DDX60L: variants seen among roughly 807,000 people sequenced by gnomAD.
DDX60L encodes probable ATP-dependent RNA helicase DDX60-like.
A neutral mutation model predicts 211.6 loss-of-function variants in DDX60L; 191 were observed. The observed-to-expected ratio is 0.90, with a 90% confidence interval of 0.80 to 1.02. DDX60L has a LOEUF of 1.02. Ranked by LOEUF, DDX60L falls within the 50% of genes least tolerant of loss-of-function variation. DDX60L has a pLI of 0.00. For missense variants in DDX60L, 2,007 were observed against 1,984.1 expected (o/e 1.01, Z -0.22); for synonymous variants, 706 against 694.1 (o/e 1.02, Z -0.27).
chr4:168,454,758 C>CTTTTTTTTTTTTTTTTTTTTTT (rs767461447), intron 7 of DDX60L, among the ~76,000 whole-genome samples: 1,497 of 88,492 alleles, frequency 0.017, 225 homozygotes, highest in South Asian at 0.024. Flanking sequence ...AAACAGCTTC[C>CTTTTTTTTTTTTTTTTTTTTTT]TTTTTTTTTT....
intron 29 of DDX60L, among the ~76,000 whole-genome samples, chr4:168,391,043 C>A (rs1344065604): frequency 6.6e-6 from 1 of 151,942 alleles, no homozygotes; most frequent in Non-Finnish European, 1.5e-5. Context: ...TGGTCAATGA[C>A]TCCTAATTAC....
chr4:168,463,328 G>GCAAAAACAGAAATCCAAATA (rs1262378926), intron 4 of DDX60L, among the ~76,000 whole-genome samples: 2 of 152,100 alleles, frequency 1.3e-5, no homozygotes, highest in Non-Finnish European at 2.9e-5. Flanking sequence ...TGTCCCAAAT[G>GCAAAAACAGAAATCCAAATA]CAAAAACAGA....
chr4:168,389,029 C>T (rs1183861893), intron 29 of DDX60L, among the ~76,000 whole-genome samples: 1 of 152,134 alleles, frequency 6.6e-6, no homozygotes, highest in Non-Finnish European at 1.5e-5. Flanking sequence ...CTCATTGGGA[C>T]CCAGGCAGCA....
chr4:168,379,738 G>A lies in DDX60L; in HGVS notation c.4209C>T (p.Leu1403=), dbSNP rs1742607160. ...LKLYFLFSLQ[L]LIKEDYLNKK... is the part of the protein sequence containing the mutation. Reference sequence around the variant, plus strand: ...AGCACGATGATACCTCTTTGATAAGGAGCTGCAAGGAAAACAAAAAGTAAA... The same window carrying A: ...AGCACGATGATACCTCTTTGATAAGAAGCTGCAAGGAAAACAAAAAGTAAA... Residue 1403 remains leucine, a synonymous_variant, in exon 31 of 38, where the codon CTC becomes CTT. Coordinates refer to ENST00000682922, the MANE Select transcript of DDX60L (RefSeq NM_001012967.3). The A allele has an allele frequency of 6.2e-7, 1 of 1,612,518 alleles. No homozygotes were observed. Among genetic ancestry groups the A allele is most frequent in the African/African-American group, 1.3e-5 (1 of 74,968 alleles).
chr4:168,396,126 T>G lies in DDX60L; in HGVS notation c.3492-2A>C. The G allele has an allele frequency of 7.7e-7, 1 of 1,305,538 alleles. No individual in the cohort carries two copies. The highest frequency in any genetic ancestry group is 1.0e-6 in the Non-Finnish European group (1 of 972,428). 80.9% of individuals were successfully genotyped at this position (1,305,538 alleles called of 1,614,324 possible). ...GCCTTCTTTGGGTTTTTTTTAGTGC[T>G]ACTATTTAAAAAAAAAAAAAAACTT... is the stretch of plus-strand genomic sequence containing the variant. On this transcript the variant is annotated splice_acceptor_variant, in intron 26 of 37. Coordinates refer to ENST00000682922, the MANE Select transcript of DDX60L (RefSeq NM_001012967.3). LOFTEE classifies it high-confidence loss of function.
In DDX60L at chr4:168,406,650, C is replaced by T. The variant is rs777384588; in HGVS notation, c.3036G>A (p.Gln1012=). 6.2e-7 allele frequency: 1 copy of T among 1,607,176 alleles called. No homozygotes were observed. The highest frequency in any genetic ancestry group is 1.1e-5 in the South Asian group (1 of 89,418). ...AGACTTGAGCCATGGTATCATAAAG[C>T]TGGATGCTTTCTTGAGGGGTGAGGG... The part of the protein sequence containing the change: ...DLTLTPQESI[Q]LYDTMAQVWE... Residue 1012 remains glutamine, a synonymous_variant, in exon 23 of 38, where the codon CAG becomes CAA. Coordinates refer to ENST00000682922, the MANE Select transcript of DDX60L (RefSeq NM_001012967.3).
chr4:168,377,995 A>G (rs1342971618), intron 33 of DDX60L, among the ~76,000 whole-genome samples: 1 of 152,196 alleles, frequency 6.6e-6, no homozygotes, highest in Non-Finnish European at 1.5e-5. Flanking sequence ...GTCATAATGT[A>G]ATTCCTTCCC....
chr4:168,433,582 T>C (rs1298345041), intron 10 of DDX60L, among the ~76,000 whole-genome samples: 5 of 152,230 alleles, frequency 3.3e-5, no homozygotes, highest in Non-Finnish European at 7.4e-5. Context: ...CTTTAATTTC[T>C]ATTTTCACAG....
At chr4:168,412,434 G>C (rs6836454) in intron 22 of DDX60L, among the ~76,000 whole-genome samples, 84,027 of 151,574 alleles carry the variant, frequency 0.55, 23,741 homozygotes, top group Middle Eastern at 0.63. Flanking sequence ...CTTGAGTGAA[G>C]ATTAGCAGTA....
chr4:168,420,498 ACACACACT>A, intron 17 of DDX60L, 118 bp from the exon 18 acceptor site: 1 of 671,792 alleles, frequency 1.5e-6, no homozygotes, highest in East Asian at 3.8e-5. Context: ...ACACACACAC[ACACACACT>A]TCAATGAAAA....
In DDX60L at chr4:168,480,432, G is replaced by A. The variant is rs1760285842; in HGVS notation, c.-166C>T. On this transcript the variant is annotated 5_prime_UTR_variant, in exon 1 of 38. Transcript: ENST00000682922. ...GCTTCGGAGCTGCACGCCCCGCGGGGAGGAGGTGGAGCAGAGGAGACCGAG... is the reference window on the plus strand; with the variant it reads ...GCTTCGGAGCTGCACGCCCCGCGGGAAGGAGGTGGAGCAGAGGAGACCGAG... The A allele has an allele frequency of 6.6e-6, 1 of 152,384 alleles. No homozygotes were observed. The highest frequency in any genetic ancestry group is 1.5e-5 in the Non-Finnish European group (1 of 68,166). 9.4% of individuals were successfully genotyped at this position (152,384 alleles called of 1,614,324 possible).
In DDX60L at chr4:168,456,755, C is replaced by T. The variant is rs191760062; in HGVS notation, c.724-603G>A. 3.3e-3 allele frequency among the ~76,000 whole-genome samples: 496 copies of T among 152,176 alleles called. 2 individuals are homozygous for T. The highest frequency in any genetic ancestry group is 4.1e-3 in the Non-Finnish European group (282 of 68,010). On this transcript the variant is annotated intron_variant, in intron 6 of 37. Transcript: ENST00000682922. ...CCAATATGTATACAAAAAACATATA[C>T]ATCAAAATGTTCATTATAACATTAT...
intron 22 of DDX60L, among the ~76,000 whole-genome samples, chr4:168,412,579 C>A (rs1748871836): frequency 6.6e-6 from 1 of 151,742 alleles, no homozygotes; most frequent in African/African-American, 2.4e-5. Context: ...TCTCTGGACC[C>A]ACGTGAGATC....
At chr4:168,414,620 C>G (rs1749225686) in intron 22 of DDX60L, among the ~76,000 whole-genome samples, 1 of 151,760 alleles carries the variant, frequency 6.6e-6, no homozygotes. Context: ...TGCCCATCAA[C>G]AAATTAATGA....
intron 4 of DDX60L, chr4:168,471,382 T>C (rs1466803733): frequency 6.4e-6 from 1 of 157,456 alleles, no homozygotes; most frequent in Non-Finnish European, 1.4e-5. Context: ...TGAAATTTTA[T>C]AATAAAATAT....
At chr4:168,413,445 T>C (rs969716140) in intron 22 of DDX60L, among the ~76,000 whole-genome samples, 5 of 152,072 alleles carry the variant, frequency 3.3e-5, no homozygotes, top group African/African-American at 1.2e-4. Flanking sequence ...CACATGGGAT[T>C]TATCACAGCA....
chr4:168,379,000 C>T (rs1055265595), intron 32 of DDX60L, among the ~76,000 whole-genome samples: 14 of 152,144 alleles, frequency 9.2e-5, no homozygotes, highest in African/African-American at 3.4e-4. Flanking sequence ...CCCCATAACG[C>T]ATGAGCACCA....
intron 7 of DDX60L, among the ~76,000 whole-genome samples, chr4:168,454,758 C>CTTTTTTTTTTTTTCTTTTTT (rs1756277815): frequency 1.1e-5 from 1 of 88,656 alleles, no homozygotes; most frequent in African/African-American, 4.8e-5. Context: ...AAACAGCTTC[C>CTTTTTTTTTTTTTCTTTTTT]TTTTTTTTTT....
chr4:168,438,764 T>C (rs1489000498), intron 10 of DDX60L, among the ~76,000 whole-genome samples: 1 of 152,146 alleles, frequency 6.6e-6, no homozygotes, highest in Non-Finnish European at 1.5e-5. Flanking sequence ...GTTTAGGGAA[T>C]AGGTAATGGG....
Sources: allele counts gnomAD v4.1 joint callset (sites outside exome capture counted in the v4.1 genomes callset), GRCh38; gene constraint gnomAD v4.1.1; transcripts MANE v1.5; gene names NCBI Gene and HGNC (gene_info 2026-07-23, HGNC 2026-07-21).